Variants in ZNF347 observed in about 807,000 individuals in gnomAD.
ZNF347 encodes the protein CTD-2620I22.7.
Under a neutral mutation model 12.9 loss-of-function variants are expected in ZNF347, and 19 were observed. The ratio of observed to expected loss-of-function variants is 1.47; its 90% CI spans 1.03 to 2.16. The LOEUF is 2.16. Ranked by LOEUF, ZNF347 falls within the 30% of genes most tolerant of loss-of-function variation. The pLI is 0.00. For missense variants in ZNF347, 1,005 were observed against 990.6 expected (o/e 1.01, Z -0.19); for synonymous variants, 328 against 340.6 (o/e 0.96, Z 0.41).
At chr19:53,156,207 T>G (rs1367421119) in intron 1 of ZNF347, among the ~76,000 whole-genome samples, 3 of 152,162 alleles carry the variant, frequency 2.0e-5, no homozygotes, top group Non-Finnish European at 4.4e-5. Context: ...GAGACCAGCA[T>G]GGCCAACATG....
In ZNF347 at chr19:53,153,793, C is replaced by A. The variant is rs2090514187; in HGVS notation, c.-46G>T. 6.2e-7 allele frequency: 1 copy of A among 1,613,622 alleles called. No individual in the cohort carries two copies. Among genetic ancestry groups the A allele is most frequent in the Admixed American group, 1.7e-5 (1 of 59,974 alleles). Reference sequence around the variant, plus strand: ...CTCTTCCTCTTCTTCAAGGGTTCTTCCTTAGGTAACAGGAAAGTGCCTTTA... The same window carrying A: ...CTCTTCCTCTTCTTCAAGGGTTCTTACTTAGGTAACAGGAAAGTGCCTTTA... On this transcript the variant is annotated splice_region_variant and 5_prime_UTR_variant, in exon 2 of 5. Coordinates refer to ENST00000334197, the MANE Select transcript of ZNF347 (RefSeq NM_032584.3).
chr19:53,153,662 T>C, intron 2 of ZNF347, 71 bp downstream of exon 2: 1 of 1,583,936 alleles, frequency 6.3e-7, no homozygotes, highest in Non-Finnish European at 8.7e-7. Flanking sequence ...CAGAGAAGAT[T>C]CCCAACTTCA....
chr19:53,140,907 T>C lies in ZNF347; in HGVS notation c.1921A>G (p.Thr641Ala). 6.2e-7 allele frequency: 1 copy of C among 1,613,030 alleles called. No individual in the cohort carries two copies. The highest frequency in any genetic ancestry group is 1.1e-5 in the South Asian group (1 of 91,030). ...GKAFSEHSNL[T>A]THQVIHTGEK... ...CCAGTATGGATGACCTGATGGGTAG[T>C]TAGGTTTGAATGTTCACTAAAGGCT... The change falls in exon 5 of 5, where the codon ACT becomes GCT. Residue 641 changes from threonine (T) to alanine (A), a missense_variant. By Grantham distance (58) the Thr-to-Ala change is moderately conservative. Coordinates refer to ENST00000334197, the MANE Select transcript of ZNF347 (RefSeq NM_032584.3).
chr19:53,142,433 C>T lies in ZNF347; in HGVS notation c.395G>A (p.Arg132Lys). 3 of 1,614,068 alleles carry T rather than the reference C, an allele frequency of 1.9e-6. No individual in the cohort carries two copies. Among genetic ancestry groups the T allele is most frequent in the Non-Finnish European group, 2.5e-6 (3 of 1,179,986 alleles). ...ESQDIEGCSF[R>K]EVQKNTHGLE... Reference sequence around the variant, plus strand: ...GCCATGTGTATTTTTCTGGACTTCCCTGAAGGAACATCCTTCAATGTCTTG... The same window carrying T: ...GCCATGTGTATTTTTCTGGACTTCCTTGAAGGAACATCCTTCAATGTCTTG... The change falls in exon 5 of 5, where the codon AGG becomes AAG. Residue 132 changes from arginine to lysine, a missense_variant. Arg to Lys is a conservative substitution (Grantham distance 26, BLOSUM62 2). Transcript: ENST00000334197.
In ZNF347 at chr19:53,140,855, C is replaced by T. The variant is rs755186628; in HGVS notation, c.1973G>A (p.Cys658Tyr). Residue 658 changes from cysteine (C) to tyrosine (Y), a missense_variant, in exon 5 of 5, where the codon TGT (cysteine) becomes TAT (tyrosine). Coordinates refer to ENST00000334197, the MANE Select transcript of ZNF347 (RefSeq NM_032584.3). Reference protein sequence around the residue: ...TGEKPYKCNECGKVFTQNSHL... With the variant: ...TGEKPYKCNEYGKVFTQNSHL... ...TGAATTCTGAGTGAAGACCTTGCCA[C>T]ACTCATTACATTTGTAAGGTTTTTC... is the stretch of plus-strand genomic sequence containing the variant. The T allele has an allele frequency of 8.7e-6, 14 of 1,613,862 alleles. No individual in the cohort carries two copies. In the South Asian group the frequency reaches 1.1e-4, roughly 13 times the overall value.
chr19:53,154,299 T>G (rs757003034), intron 1 of ZNF347, among the ~76,000 whole-genome samples: 1 of 151,532 alleles, frequency 6.6e-6, no homozygotes, highest in Non-Finnish European at 1.5e-5. Flanking sequence ...CTAAACAACA[T>G]AGTGAGACCC....
Position 53,141,454 on chromosome 19 carries a change from T to C in ZNF347, c.1374A>G (p.Lys458=), listed in dbSNP as rs2146799095. The stretch of plus-strand genomic sequence containing the variant: ...TAAAGACCTTGCCGCATTCATGACA[T>C]TTGTAAGGCTTTTCTCCGGTGTGAA... ...LVIHTGEKPY[K]CHECGKVFRR... is the part of the protein sequence containing the mutation. The change falls in exon 5 of 5, where the codon AAA becomes AAG. Residue 458 remains lysine (K), a synonymous_variant. Coordinates refer to ENST00000334197, the MANE Select transcript of ZNF347 (RefSeq NM_032584.3). The C allele has an allele frequency of 6.2e-7, 1 of 1,613,856 alleles. No homozygotes were observed. Among genetic ancestry groups the C allele is most frequent in the Non-Finnish European group, 8.5e-7 (1 of 1,179,974 alleles).
chr19:53,151,381 C>T (rs1396575202), intron 2 of ZNF347, among the ~76,000 whole-genome samples: 6 of 151,110 alleles, frequency 4.0e-5, no homozygotes, highest in African/African-American at 1.2e-4. Context: ...TAAAAAAATA[C>T]AAAAAAATTA....
chr19:53,141,251 G>C lies in ZNF347; in HGVS notation c.1577C>G (p.Ser526Ter). 4 of 1,613,858 alleles carry C rather than the reference G, an allele frequency of 2.5e-6. No homozygotes were observed. The highest frequency in any genetic ancestry group is 3.4e-6 in the Non-Finnish European group (4 of 1,179,962). The change falls in exon 5 of 5, where the codon TCA (serine) becomes TGA (stop). Residue 526 changes from serine to a stop codon, truncating the protein, a stop_gained. Coordinates refer to ENST00000334197, the MANE Select transcript of ZNF347 (RefSeq NM_032584.3). LOFTEE classifies it low-confidence loss of function (END_TRUNC). Reference protein sequence around the residue: ...NECGKVFTQNSHLANHQRIHT... With the variant: ...NECGKVFTQN The stretch of plus-strand genomic sequence containing the variant: ...AATTCTTTGATGATTTGCAAGGTGT[G>C]AATTTTGAGTGAAGACCTTGCCACA...
intron 1 of ZNF347, among the ~76,000 whole-genome samples, chr19:53,157,507 T>C (rs1399363033): frequency 6.6e-6 from 1 of 152,122 alleles, no homozygotes; most frequent in Non-Finnish European, 1.5e-5. Context: ...CTTCCTCCGC[T>C]TGCACCTGTT....
intron 1 of ZNF347, 132 bp downstream of exon 1, chr19:53,158,877 A>G (rs1214073016): frequency 6.7e-6 from 1 of 149,036 alleles, no homozygotes; most frequent in Non-Finnish European, 1.5e-5. Flanking sequence ...AGCCTGGACA[A>G]CAAGAGTAAA....
chr19:53,147,871 A>G (rs1449318348), intron 4 of ZNF347, among the ~76,000 whole-genome samples: 1 of 152,228 alleles, frequency 6.6e-6, no homozygotes, highest in Non-Finnish European at 1.5e-5. Flanking sequence ...ACACAAATCA[A>G]TTAATGTGAT....
intron 1 of ZNF347, among the ~76,000 whole-genome samples, chr19:53,155,401 T>A (rs1163569555): frequency 6.6e-6 from 1 of 151,680 alleles, no homozygotes; most frequent in East Asian, 1.9e-4. Flanking sequence ...AGCATGAACA[T>A]GGCTTACTGC....
chr19:53,148,166 C>T (rs1349338306), intron 4 of ZNF347, among the ~76,000 whole-genome samples: 45 of 151,888 alleles, frequency 3.0e-4, no homozygotes. Flanking sequence ...AGCAATTAGG[C>T]AAGAGAAAGA....
At chr19:53,152,555 C>A (rs562631424) in intron 2 of ZNF347, among the ~76,000 whole-genome samples, 1 of 151,528 alleles carries the variant, frequency 6.6e-6, no homozygotes, top group Non-Finnish European at 1.5e-5. Context: ...TGCAGTGAGC[C>A]GAGATTGCAC....
At position 53,141,205 on chromosome 19, in the gene ZNF347, A is replaced by T; in HGVS notation, c.1623T>A (p.Tyr541Ter). ...HQRIHTGVKPYMCNECGKAFS... is the reference protein window; with the variant it reads ...HQRIHTGVKP ...AGGCTTTGCCGCACTCATTACACAT[A>T]TAAGGCTTCACTCCAGTATGAATTC... is the stretch of plus-strand genomic sequence containing the variant. The change falls in exon 5 of 5, where the codon TAT becomes TAA. Residue 541 changes from tyrosine to a stop codon, truncating the protein, a stop_gained. Coordinates refer to ENST00000334197, the MANE Select transcript of ZNF347 (RefSeq NM_032584.3). LOFTEE classifies it low-confidence loss of function (END_TRUNC). 6.2e-7 allele frequency: 1 copy of T among 1,606,240 alleles called. No individual in the cohort carries two copies. The highest frequency in any genetic ancestry group is 1.1e-5 in the South Asian group (1 of 90,896).
At chr19:53,144,601 G>T (rs2090450995) in intron 4 of ZNF347, among the ~76,000 whole-genome samples, 1 of 152,096 alleles carries the variant, frequency 6.6e-6, no homozygotes, top group East Asian at 1.9e-4. Flanking sequence ...CAGACTAAAT[G>T]GACCTAAAAA....
Position 53,140,375 on chromosome 19 carries a change from T to C in ZNF347, c.2453A>G (p.Tyr818Cys). The C allele has an allele frequency of 6.2e-7, 1 of 1,603,868 alleles. No individual in the cohort carries two copies. The highest frequency in any genetic ancestry group is 2.2e-5 in the East Asian group (1 of 44,846). ...TAGAACTTTCCACACGTTACATTTG[T>C]AAGGTTTCCCACCAGTATGGATTGT... ...HQTIHTGGKPYKCNVWKVLKS... is the reference protein window; with the variant it reads ...HQTIHTGGKPCKCNVWKVLKS... The change falls in exon 5 of 5, where the codon TAC becomes TGC. Residue 818 changes from tyrosine to cysteine, a missense_variant. Transcript: ENST00000334197.
In ZNF347 at chr19:53,141,675, G is replaced by C; in HGVS notation, c.1153C>G (p.Arg385Gly). Residue 385 changes from arginine (R) to glycine (G), a missense_variant, in exon 5 of 5, where the codon CGT becomes GGT. Arg to Gly is a moderately radical substitution (Grantham distance 125). Transcript: ENST00000334197. ...GCCTGATGGATAGCTAAGCTTGAACGAGCTCTAAAGGCTTTCCCACACTCA... is the reference window on the plus strand; with the variant it reads ...GCCTGATGGATAGCTAAGCTTGAACCAGCTCTAAAGGCTTTCCCACACTCA... ...CNECGKAFRARSSLAIHQATH... is the reference protein window; with the variant it reads ...CNECGKAFRAGSSLAIHQATH... The C allele has an allele frequency of 6.2e-7, 1 of 1,613,610 alleles. No individual in the cohort carries two copies. Among genetic ancestry groups the C allele is most frequent in the East Asian group, 2.2e-5 (1 of 44,840 alleles).
Sources: gnomAD v4.1 joint callset for allele counts (sites outside exome capture counted in the v4.1 genomes callset) on GRCh38, gnomAD v4.1.1 for gene constraint, MANE v1.5 for transcripts, NCBI Gene and HGNC (gene_info 2026-07-23, HGNC 2026-07-21) for gene names.